TEX14: variants seen among roughly 807,000 people sequenced by gnomAD.
TEX14 encodes the protein testis expressed 14, intercellular bridge forming factor, also known as inactive serine/threonine-protein kinase TEX14.
In TEX14, 168 loss-of-function variants were observed where a neutral mutation model predicts 178.6. The observed-to-expected ratio is 0.94, with a 90% CI of 0.83 to 1.07. TEX14 has a LOEUF of 1.07. Ranked by LOEUF, TEX14 falls within the 50% of genes least tolerant of loss-of-function variation. The pLI is 0.00. For missense variants in TEX14, 1,730 were observed against 1,753.6 expected (o/e 0.99, Z 0.24); for synonymous variants, 626 against 634.1 (o/e 0.99, Z 0.19).
intron 1 of TEX14, among the ~76,000 whole-genome samples, chr17:58,669,464 G>A (rs949317532): frequency 6.6e-6 from 1 of 152,018 alleles, no homozygotes; most frequent in Non-Finnish European, 1.5e-5. Flanking sequence ...TGGGCGTGGT[G>A]GCTCACGCCT....
In TEX14 at chr17:58,587,801, T is replaced by C. The variant is rs1321302234; in HGVS notation, c.2702+95A>G. ...TGTTCCCTACTCCCTAAGCCATTCC[T>C]AGAGTTGCACTGACCCCTTTGCACC... On this transcript the variant is annotated intron_variant, in intron 16 of 31. Coordinates refer to ENST00000349033, the MANE Select transcript of TEX14 (RefSeq NM_031272.5). 1.6e-5 allele frequency: 20 copies of C among 1,230,104 alleles called. No homozygotes were observed. The Admixed American group carries it at 2.4e-4, about 15-fold the overall frequency. The allele number at this position is 1,230,104 out of a possible 1,614,324, so 76.2% of individuals were successfully genotyped here.
intron 3 of TEX14, among the ~76,000 whole-genome samples, chr17:58,627,565 G>GT (rs2046174152): frequency 6.6e-6 from 1 of 152,176 alleles, no homozygotes; most frequent in South Asian, 2.1e-4. Context: ...GAGGTCAGGA[G>GT]TTTGAGATCA....
chr17:58,610,066 C>A (rs1004175786), intron 10 of TEX14, among the ~76,000 whole-genome samples: 26 of 152,154 alleles, frequency 1.7e-4, no homozygotes, highest in Admixed American at 5.2e-4. Context: ...AGTAAGGAAG[C>A]GCAGGGGAGA....
intron 2 of TEX14, chr17:58,631,645 C>T (rs1043595367): frequency 2.0e-5 from 3 of 150,718 alleles, no homozygotes; most frequent in South Asian, 2.1e-4. Flanking sequence ...CCCAGAACTA[C>T]TCAGACTGCC....
intron 18 of TEX14, among the ~76,000 whole-genome samples, 174 bp from the exon 19 acceptor site, chr17:58,584,774 A>G (rs1343648541): frequency 6.6e-6 from 1 of 152,220 alleles, no homozygotes; most frequent in Non-Finnish European, 1.5e-5. Context: ...CCTGACCCCA[A>G]AATGCAGCCC....
chr17:58,557,854 G>A lies in TEX14; in HGVS notation c.4268-4C>T. On this transcript the variant is annotated splice_polypyrimidine_tract_variant and splice_region_variant and intron_variant, in intron 30 of 31. Transcript: ENST00000349033. Reference sequence around the variant, plus strand: ...CAAAAACAGGATTTTAGTTCATCTTGATGAAATATAAGAGGAAGGAAAAAA... The same window carrying A: ...CAAAAACAGGATTTTAGTTCATCTTAATGAAATATAAGAGGAAGGAAAAAA... 1 of 1,610,118 alleles carries A rather than the reference G, an allele frequency of 6.2e-7. No homozygotes were observed. Among genetic ancestry groups the A allele is most frequent in the East Asian group, 2.2e-5 (1 of 44,826 alleles).
intron 19 of TEX14, among the ~76,000 whole-genome samples, chr17:58,581,398 T>C (rs1474239909): frequency 6.6e-6 from 1 of 151,892 alleles, no homozygotes; most frequent in African/African-American, 2.4e-5. Context: ...AAACTGCACA[T>C]GACTTCCCAT....
chr17:58,660,801 T>C lies in TEX14; in HGVS notation c.-1-8799A>G, dbSNP rs757616226. On this transcript the variant is annotated intron_variant, in intron 1 of 31. Transcript: ENST00000349033. ...TGATCATACCAGTCACTCACTGTCA[T>C]GGAAGCCAGACTTGGATAGCCAGCG... 1.5e-5 allele frequency: 12 copies of C among 781,728 alleles called. No individual in the cohort carries two copies. In the Admixed American group the frequency reaches 2.0e-4, roughly 13 times the overall value. The allele number at this position is 781,728 out of a possible 1,614,324, so 48.4% of individuals were successfully genotyped here.
intron 11 of TEX14, among the ~76,000 whole-genome samples, chr17:58,603,934 T>C (rs1228246801): frequency 1.3e-5 from 2 of 149,432 alleles, no homozygotes; most frequent in Admixed American, 6.7e-5. Context: ...TGTGTGTGTG[T>C]GTGTGTGTGT....
chr17:58,618,392 C>G (rs750654762), intron 5 of TEX14, among the ~76,000 whole-genome samples: 4 of 152,240 alleles, frequency 2.6e-5, no homozygotes, highest in Non-Finnish European at 4.4e-5. Context: ...TGACCAGACA[C>G]TGATGTTGCT....
intron 1 of TEX14, among the ~76,000 whole-genome samples, chr17:58,655,415 C>T (rs1008794744): frequency 1.3e-5 from 2 of 151,968 alleles, no homozygotes; most frequent in African/African-American, 4.8e-5. Context: ...ATCTATTGAC[C>T]TCATGATGCA....
chr17:58,679,202 A>T (rs907456471), intron 1 of TEX14, among the ~76,000 whole-genome samples: 1 of 152,146 alleles, frequency 6.6e-6, no homozygotes, highest in African/African-American at 2.4e-5. Flanking sequence ...ACAAAAAGAT[A>T]TAAAGACAGA....
chr17:58,643,586 A>G (rs1489259659), intron 2 of TEX14, among the ~76,000 whole-genome samples: 1 of 151,516 alleles, frequency 6.6e-6, no homozygotes, highest in Admixed American at 6.6e-5. Flanking sequence ...AAAGTAACCT[A>G]GGGCTGGGCA....
chr17:58,652,106 T>C (rs1453776238), intron 1 of TEX14, 104 bp from the exon 2 acceptor site: 1 of 822,350 alleles, frequency 1.2e-6, no homozygotes, highest in Non-Finnish European at 1.8e-6. Context: ...CCTTCATTAA[T>C]AATGAAGATT....
chr17:58,653,715 C>T (rs968218444), intron 1 of TEX14, among the ~76,000 whole-genome samples: 3 of 152,164 alleles, frequency 2.0e-5, no homozygotes, highest in Non-Finnish European at 2.9e-5. Flanking sequence ...TGACTTGCCA[C>T]GTGGGATTAC....
At chr17:58,563,650 TATATATATAGAGAGAGAG>T (rs1366676806) in intron 28 of TEX14, among the ~76,000 whole-genome samples, 1 of 25,720 alleles carries the variant, frequency 3.9e-5, no homozygotes, top group African/African-American at 2.4e-4. Flanking sequence ...TATATATATA[TATATATATAGAGAGAGAG>T]AGAGAGAGAG....
chr17:58,625,985 T>A (rs937445128), intron 3 of TEX14, among the ~76,000 whole-genome samples: 2 of 151,862 alleles, frequency 1.3e-5, no homozygotes, highest in African/African-American at 4.8e-5. Context: ...CCTGACCTCA[T>A]GATCCACCCA....
intron 10 of TEX14, among the ~76,000 whole-genome samples, chr17:58,608,286 G>A (rs900620604): frequency 2.6e-5 from 4 of 152,038 alleles, no homozygotes; most frequent in African/African-American, 4.8e-5. Context: ...GTATGGTGGC[G>A]GGTGCCTGTA....
intron 15 of TEX14, 50 bp downstream of exon 15, chr17:58,593,505 C>A: frequency 7.3e-7 from 1 of 1,374,236 alleles, no homozygotes; most frequent in Non-Finnish European, 1.0e-6. Flanking sequence ...CAGAGACACA[C>A]AGAAGTCTAA....
Sources: gnomAD v4.1 joint callset for allele counts (sites outside exome capture counted in the v4.1 genomes callset) on GRCh38, gnomAD v4.1.1 for gene constraint, MANE v1.5 for transcripts, NCBI Gene and HGNC (gene_info 2026-07-23, HGNC 2026-07-21) for gene names.